Variants in DST observed in about 807,000 individuals in gnomAD.
DST encodes the protein bullous pemphigoid antigen.
DST carries 253 observed loss-of-function variants against 875.2 expected under a neutral mutation model. The observed-to-expected ratio is 0.29, with a 90% CI of 0.26 to 0.32. DST has a LOEUF of 0.32. Among genes scored for constraint, DST ranks in the 10% least tolerant of loss-of-function variants. The pLI is 1.00. For missense variants in DST, 8,287 were observed against 9,111.6 expected, an observed-to-expected ratio of 0.91 and a Z score of 3.68; for synonymous variants, 3,124 against 3,197.1, an observed-to-expected ratio of 0.98 and a Z score of 0.77.
At chr6:56,573,160 G>T in intron 51 of DST, 96 bp from the exon 52 acceptor site, 1 of 1,091,976 alleles carries the variant, frequency 9.2e-7, no homozygotes, top group Non-Finnish European at 1.3e-6. Context: ...ACATAAGCTT[G>T]CACAACCTGT....
At chr6:56,567,762 C>A (rs1170984835) in intron 55 of DST, among the ~76,000 whole-genome samples, 1 of 151,934 alleles carries the variant, frequency 6.6e-6, no homozygotes. Context: ...ACAGAGGATA[C>A]TCAGAACTCT....
chr6:56,650,621 G>A (rs1365828034), intron 12 of DST, among the ~76,000 whole-genome samples: 1 of 152,064 alleles, frequency 6.6e-6, no homozygotes, highest in Non-Finnish European at 1.5e-5. Flanking sequence ...AATGTAAAAC[G>A]GCAGCCAGCT....
At chr6:56,678,644 TAAGTAGCAGCAGATGCAGGA>T (rs1366525995) in intron 9 of DST, among the ~76,000 whole-genome samples, 1 of 152,156 alleles carries the variant, frequency 6.6e-6, no homozygotes, top group Non-Finnish European at 1.5e-5. Context: ...TAAAGGCAAT[TAAGTAGCAGCAGATGCAGGA>T]AAGCTCTCTA....
Position 56,696,532 on chromosome 6 carries a change from GCTCT to G in DST, c.1047+3117_1047+3120del, listed in dbSNP as rs567077971. On this transcript the variant is annotated intron_variant, in intron 9 of 103. Coordinates refer to ENST00000680361, the MANE Select transcript of DST (RefSeq NM_001374736.1). ...TCCAAAGGCAGCTGAACCCCAAAGG[GCTCT>G]CTTAGTATATAACTCCTTTTTGAAG... 6.1e-3 allele frequency among the ~76,000 whole-genome samples: 932 copies of G among 152,178 alleles called. 11 individuals are homozygous for G. The highest frequency in any genetic ancestry group is 0.022 in the African/African-American group (904 of 41,524).
chr6:56,635,540 T>G, intron 24 of DST, 49 bp downstream of exon 24: 1 of 1,590,012 alleles, frequency 6.3e-7, no homozygotes, highest in Admixed American at 1.7e-5. Context: ...AAAACACTAA[T>G]CTAATCACTT....
chr6:56,600,075 C>A lies in DST; in HGVS notation c.11688G>T (p.Lys3896Asn). 6.2e-7 allele frequency: 1 copy of A among 1,611,972 alleles called. No homozygotes were observed. The highest frequency in any genetic ancestry group is 8.5e-7 in the Non-Finnish European group (1 of 1,178,772). ...GTVELKKYQSKQEELQKDMQG... is the reference protein window; with the variant it reads ...GTVELKKYQSNQEELQKDMQG... ...ATAGAAAACCAAATTCTACCTCTTG[C>A]TTGGACTGATATTTCTTTAACTCAA... Residue 3896 changes from lysine (K) to asparagine (N), a missense_variant, in exon 45 of 104, where the codon AAG (lysine) becomes AAT (asparagine). By Grantham distance (94) the Lys-to-Asn change is moderately conservative. Around this residue, in one of 10 missense-constraint regions of DST, gnomAD observed 3,138 missense variants for 3,116.6 expected, o/e 1.01. Transcript: ENST00000680361.
At chr6:56,918,856 T>G (rs1302994473) in intron 2 of DST, among the ~76,000 whole-genome samples, 5 of 152,202 alleles carry the variant, frequency 3.3e-5, no homozygotes, top group Admixed American at 1.3e-4. Context: ...CGCACACTCC[T>G]GCACTCCAGC....
At chr6:56,645,753 T>C in intron 15 of DST, 113 bp downstream of exon 15, 1 of 1,267,316 alleles carries the variant, frequency 7.9e-7, no homozygotes. Context: ...ATCAAAAGGA[T>C]TAAGAGACTT....
At chr6:56,627,163 C>T (rs746320208) in intron 34 of DST, 41 bp downstream of exon 34, 2 of 1,416,764 alleles carry the variant, frequency 1.4e-6, no homozygotes, top group Non-Finnish European at 2.0e-6. Context: ...GAATCACAAA[C>T]CTGAATATTA....
chr6:56,698,174 G>A (rs1029593916), intron 9 of DST, among the ~76,000 whole-genome samples: 5 of 151,964 alleles, frequency 3.3e-5, no homozygotes, highest in African/African-American at 1.2e-4. Flanking sequence ...AAACTATTCA[G>A]CTGCCTCTGT....
intron 5 of DST, among the ~76,000 whole-genome samples, chr6:56,715,558 G>A (rs538193285): frequency 6.6e-6 from 1 of 152,264 alleles, no homozygotes; most frequent in South Asian, 2.1e-4. Flanking sequence ...TTCCTTAGCT[G>A]ACTAGGGAAA....
intron 61 of DST, chr6:56,542,696 C>G (rs976829119): frequency 6.6e-5 from 10 of 152,632 alleles, no homozygotes; most frequent in Non-Finnish European, 1.5e-4. Flanking sequence ...AGAAAGAACT[C>G]CGGAAGGGAG....
intron 9 of DST, among the ~76,000 whole-genome samples, chr6:56,685,303 A>C (rs1222013095): frequency 6.6e-6 from 1 of 152,188 alleles, no homozygotes; most frequent in Non-Finnish European, 1.5e-5. Context: ...CAAGGAAAAA[A>C]CACATGACAC....
chr6:56,699,222 C>T (rs898467353), intron 9 of DST, among the ~76,000 whole-genome samples: 1 of 152,168 alleles, frequency 6.6e-6, no homozygotes, highest in Non-Finnish European at 1.5e-5. Flanking sequence ...TTCTTCTTCA[C>T]ATCTCTTTAT....
intron 77 of DST, among the ~76,000 whole-genome samples, chr6:56,505,206 A>G (rs577257497): frequency 6.6e-6 from 1 of 152,264 alleles, no homozygotes; most frequent in East Asian, 1.9e-4. Context: ...TAATAAATCA[A>G]TCTGCCCTTT....
intron 2 of DST, among the ~76,000 whole-genome samples, chr6:56,941,322 T>C (rs1592750335): frequency 6.6e-6 from 1 of 152,206 alleles, no homozygotes; most frequent in African/African-American, 2.4e-5. Context: ...TAGAAGAATG[T>C]TATTTAATTT....
chr6:56,638,714 A>G (rs115206991), intron 22 of DST, among the ~76,000 whole-genome samples: 1,897 of 152,302 alleles, frequency 0.012, 30 homozygotes, highest in African/African-American at 0.043. Flanking sequence ...TTCACTGCAC[A>G]TTATAAAGCC....
At chr6:56,694,461 G>A (rs950873731) in intron 9 of DST, among the ~76,000 whole-genome samples, 13 of 151,920 alleles carry the variant, frequency 8.6e-5, no homozygotes, top group South Asian at 2.1e-4. Flanking sequence ...AACATTCTCC[G>A]GTAGCAAAAA....
chr6:56,943,322 C>G (rs537410694), intron 2 of DST, among the ~76,000 whole-genome samples: 1 of 149,048 alleles, frequency 6.7e-6, no homozygotes, highest in African/African-American at 2.5e-5. Context: ...AATTGAAATA[C>G]AAACATTAAA....
Sources: gnomAD v4.1 joint callset for allele counts (sites outside exome capture counted in the v4.1 genomes callset) on GRCh38, gnomAD v4.1.1 for gene constraint, gnomAD v4.1.1 regional missense constraint, MANE v1.5 for transcripts, NCBI Gene and HGNC (gene_info 2026-07-23, HGNC 2026-07-21) for gene names.